ADAMTS7: variants seen among roughly 807,000 people sequenced by gnomAD.
ADAMTS7 encodes the protein ADAM metallopeptidase with thrombospondin type 1 motif 7.
A neutral mutation model predicts 172.6 loss-of-function variants in ADAMTS7; 89 were observed. That is an observed-to-expected ratio of 0.52 (90% confidence interval 0.43 to 0.61). The LOEUF (loss-of-function observed/expected upper bound fraction) is 0.61. Ranked by LOEUF, ADAMTS7 falls within the 20% of genes least tolerant of loss-of-function variation. ADAMTS7 has a pLI of 0.00. For missense variants in ADAMTS7, 1,973 were observed against 2,355.6 expected (o/e 0.84, Z 3.36); for synonymous variants, 885 against 978.4 (o/e 0.90, Z 1.78).
chr15:78,771,336 G>A lies in ADAMTS7; in HGVS notation c.2377-33C>T, dbSNP rs1470010766. On this transcript the variant is annotated intron_variant, in intron 15 of 23. Coordinates refer to ENST00000388820, the MANE Select transcript of ADAMTS7 (RefSeq NM_014272.5). This position sits in a 1 kb window ranked among gnomAD's most constrained non-coding sequence, Gnocchi z 4.9. ...GGCAGGCGGGGGCCCATGAGCACAA[G>A]GTGTCTTCTCCATCCACCCAGTCCT... 1.2e-6 allele frequency: 2 copies of A among 1,611,484 alleles called. No homozygotes were observed. The highest frequency in any genetic ancestry group is 1.3e-5 in the African/African-American group (1 of 75,000).
In ADAMTS7 at chr15:78,765,752, T is replaced by C. The variant is rs748012499; in HGVS notation, c.4159A>G (p.Arg1387Gly). The change falls in exon 19 of 24, where the codon AGA becomes GGA. Residue 1387 changes from arginine (R) to glycine (G), a missense_variant. Coordinates refer to ENST00000388820, the MANE Select transcript of ADAMTS7 (RefSeq NM_014272.5). ...GCCAGCGGCTGGGTCTCAGGGACTC[T>C]GTGGCTGTTGGCGGGGCTGTCCCAA... is the stretch of plus-strand genomic sequence containing the variant. ...PAWDSPANSH[R>G]VPETQPLAPS... The C allele has an allele frequency of 1.1e-5, 18 of 1,610,476 alleles. 1 individual carries two copies. The highest frequency in any genetic ancestry group is 2.3e-4 in the Middle Eastern group (1 of 4,430).
At chr15:78,783,335 T>A (rs1596189947) in intron 8 of ADAMTS7, among the ~76,000 whole-genome samples, 1 of 152,306 alleles carries the variant, frequency 6.6e-6, no homozygotes, top group East Asian at 1.9e-4. Flanking sequence ...AGTGGCGCAA[T>A]CTCAGTTCAC....
rs2055202044 is a variant in ADAMTS7 at position 78,768,841 on chromosome 15, G to A, written c.2519-582C>T. 4.1e-5 allele frequency among the ~76,000 whole-genome samples: 6 copies of A among 147,294 alleles called. No individual in the cohort carries two copies. The Admixed American group carries it at 4.1e-4, about 10-fold the overall frequency. On this transcript the variant is annotated intron_variant, in intron 16 of 23. Transcript: ENST00000388820. ...ACCACAAGTGTCCAGGCTGGCCCAG[G>A]CTGGGGTGAGGGGTGACCGGGGCTG...
At chr15:78,772,829 A>C (rs3743063) in intron 14 of ADAMTS7, among the ~76,000 whole-genome samples, 93,890 of 152,128 alleles carry the variant, frequency 0.62, 29,267 homozygotes, top group African/African-American at 0.71. Context: ...TTGGAAGGCC[A>C]AGGGGCCACA....
chr15:78,761,256 G>C (rs1204477709), intron 23 of ADAMTS7, among the ~76,000 whole-genome samples: 1 of 152,260 alleles, frequency 6.6e-6, no homozygotes, highest in Non-Finnish European at 1.5e-5. Context: ...GGCAGCGTTG[G>C]ACAAGGGGAG....
intron 23 of ADAMTS7, 88 bp from the exon 24 acceptor site, chr15:78,759,666 C>G (rs1402343725): frequency 1.5e-6 from 2 of 1,371,170 alleles, no homozygotes; most frequent in South Asian, 3.1e-5. Flanking sequence ...TAAGGAGGCT[C>G]CAGCAGCTCC....
chr15:78,775,836 G>A (rs2055334914), intron 11 of ADAMTS7, among the ~76,000 whole-genome samples: 1 of 152,230 alleles, frequency 6.6e-6, no homozygotes, highest in South Asian at 2.1e-4. Context: ...GAGAAGGGGT[G>A]AAGAGGAGAT....
At chr15:78,808,644 CCTCA>C (rs10582910) in intron 1 of ADAMTS7, among the ~76,000 whole-genome samples, 114,932 of 151,582 alleles carry the variant, frequency 0.76, 43,668 homozygotes, top group Middle Eastern at 0.87. Flanking sequence ...GCCTAGTTGA[CCTCA>C]CTCAGTAGAG....
Position 78,789,908 on chromosome 15 carries a change from G to A in ADAMTS7, c.1029-70C>T. ...CCAGGCCCACCTGAGCTAAGGCCAG[G>A]GAAGGGTCCCCCCGAATTGATCCCA... is the stretch of plus-strand genomic sequence containing the variant. On this transcript the variant is annotated intron_variant, in intron 6 of 23. Coordinates refer to ENST00000388820, the MANE Select transcript of ADAMTS7 (RefSeq NM_014272.5). 7.3e-6 allele frequency: 11 copies of A among 1,516,406 alleles called. No homozygotes were observed. In the Middle Eastern group the frequency reaches 9.3e-4, roughly 129 times the overall value. The allele number at this position is 1,516,406 out of a possible 1,614,324, so 93.9% of individuals were successfully genotyped here.
At position 78,770,185 on chromosome 15, in the gene ADAMTS7, TAAATA is replaced by T. The variant is rs56251219; in HGVS notation, c.2518+972_2518+976del. ...CTCTAACAAATAAAATAAAATAAAA[TAAATA>T]AAATAAAATAAAATAGCAAAATAAA... On this transcript the variant is annotated intron_variant, in intron 16 of 23. Coordinates refer to ENST00000388820, the MANE Select transcript of ADAMTS7 (RefSeq NM_014272.5). Among the ~76,000 whole-genome samples, 117 of 150,080 alleles carry T rather than the reference TAAATA, an allele frequency of 7.8e-4. 1 individual carries two copies. Among genetic ancestry groups the T allele is most frequent in the African/African-American group, 2.4e-3 (99 of 41,086 alleles).
chr15:78,772,113 T>A (rs1161844615), intron 14 of ADAMTS7, among the ~76,000 whole-genome samples: 1 of 152,156 alleles, frequency 6.6e-6, no homozygotes, highest in Non-Finnish European at 1.5e-5. Context: ...GGCTGGCATC[T>A]TCTTTCTAAA....
chr15:78,776,721 C>G lies in ADAMTS7; in HGVS notation c.1560+28G>C, dbSNP rs745405007. ...CAGGAAGTCTGGCCTCTCACACACC[C>G]ACTGCCGGGACTGGGGACATCCCCT... On this transcript the variant is annotated intron_variant, in intron 10 of 23. Transcript: ENST00000388820. 2.0e-6 allele frequency: 3 copies of G among 1,537,964 alleles called. No individual in the cohort carries two copies. In the South Asian group the frequency reaches 3.6e-5, roughly 18 times the overall value.
intron 8 of ADAMTS7, 139 bp from the exon 9 acceptor site, chr15:78,777,727 G>A (rs923003133): frequency 2.2e-5 from 25 of 1,141,062 alleles, no homozygotes; most frequent in African/African-American, 3.1e-5. Flanking sequence ...CTCCCCGCTC[G>A]GCTCAGCCGA....
At position 78,759,209 on chromosome 15, in the gene ADAMTS7, G is replaced by A; in HGVS notation, c.*212C>T. On this transcript the variant is annotated 3_prime_UTR_variant, in exon 24 of 24. Transcript: ENST00000388820. ...CCAAGACGAAGTCACGCTGTGCTTT[G>A]GAATGGTAGATGCTCATTTATGTAA... 7.3e-5 allele frequency: 34 copies of A among 465,272 alleles called. No homozygotes were observed. The highest frequency in any genetic ancestry group is 1.2e-4 in the Non-Finnish European group (31 of 267,262). 28.8% of individuals were successfully genotyped at this position (465,272 alleles called of 1,614,324 possible). A position where few individuals can be genotyped will look rare whatever the true frequency, so the allele number is the denominator to read the frequency against.
intron 4 of ADAMTS7, 57 bp from the exon 5 acceptor site, chr15:78,791,280 A>G (rs1214672504): frequency 6.6e-7 from 1 of 1,507,094 alleles, no homozygotes; most frequent in African/African-American, 1.4e-5. Flanking sequence ...CAAGCAGCCA[A>G]TGCCCACCCC....
intron 19 of ADAMTS7, 84 bp downstream of exon 19, chr15:78,765,561 G>A (rs1220485732): frequency 6.3e-7 from 1 of 1,585,454 alleles, no homozygotes; most frequent in East Asian, 2.2e-5. Flanking sequence ...CGGCGCCTGT[G>A]TCCCACTCTG....
intron 9 of ADAMTS7, 28 bp downstream of exon 9, chr15:78,777,416 C>G (rs375612464): frequency 2.5e-6 from 4 of 1,606,184 alleles, no homozygotes; most frequent in Non-Finnish European, 3.4e-6. Context: ...GGTCCCCACA[C>G]CCCCACACCC....
chr15:78,811,104 G>A lies in ADAMTS7; in HGVS notation c.100+17C>T. ...GGGGTGGCAGGCCCGGCTGGCCGGG[G>A]AGGGGCGGACACCCACCTGGTGCGG... On this transcript the variant is annotated intron_variant, in intron 1 of 23. Coordinates refer to ENST00000388820, the MANE Select transcript of ADAMTS7 (RefSeq NM_014272.5). 8.1e-7 allele frequency: 1 copy of A among 1,229,856 alleles called. No homozygotes were observed. Among genetic ancestry groups the A allele is most frequent in the African/African-American group, 1.6e-5 (1 of 64,394 alleles). The allele number at this position is 1,229,856 out of a possible 1,614,324, so 76.2% of individuals were successfully genotyped here. A position where few individuals can be genotyped will look rare whatever the true frequency, so the allele number is the denominator to read the frequency against.
Position 78,768,100 on chromosome 15 carries a change from TGGGGAGTTGGCGGGGGATGG to T in ADAMTS7, c.2645+13_2645+32del. On this transcript the variant is annotated intron_variant, in intron 17 of 23. Coordinates refer to ENST00000388820, the MANE Select transcript of ADAMTS7 (RefSeq NM_014272.5). ...GGTGGGGAGTTGGCGGGGGATGGGG[TGGGGAGTTGGCGGGGGATGG>T]GGGCGGGCTCACCTGGCAGGGCAGG... The T allele has an allele frequency of 2.0e-6, 1 of 506,976 alleles. No homozygotes were observed. 31.4% of individuals were successfully genotyped at this position (506,976 alleles called of 1,614,324 possible).
Sources: allele counts gnomAD v4.1 joint callset (sites outside exome capture counted in the v4.1 genomes callset), GRCh38; gene constraint gnomAD v4.1.1; non-coding constraint Gnocchi (gnomAD v3.1); transcripts MANE v1.5; gene names NCBI Gene and HGNC (gene_info 2026-07-23, HGNC 2026-07-21).